KCNN3: variants seen among roughly 807,000 people sequenced by gnomAD.
The protein encoded by KCNN3 is potassium calcium-activated channel subfamily N member 3, also known as small conductance calcium-activated potassium channel protein 3.
In KCNN3, 16 loss-of-function variants were observed where a neutral mutation model predicts 62.9. That is an observed-to-expected ratio of 0.25 (90% CI 0.17 to 0.39). The LOEUF is 0.39. Among genes scored for constraint, KCNN3 ranks in the 10% least tolerant of loss-of-function variants. The pLI, the probability that KCNN3 is intolerant of heterozygous loss-of-function variation, is 1.00. For synonymous variants in KCNN3, 370 were observed against 389.2 expected (o/e 0.95, Z 0.58); for missense variants, 599 against 949.4 (o/e 0.63, Z 4.85).
chr1:154,720,001 T>C (rs1348143166), intron 5 of KCNN3, among the ~76,000 whole-genome samples: 2 of 152,178 alleles, frequency 1.3e-5, no homozygotes, highest in Non-Finnish European at 2.9e-5. Context: ...TGTAGCAATA[T>C]GGTAATGGGT....
chr1:154,865,835 T>G (rs544434402), intron 1 of KCNN3, among the ~76,000 whole-genome samples: 1 of 151,978 alleles, frequency 6.6e-6, no homozygotes, highest in Admixed American at 6.6e-5. Flanking sequence ...TTCAATCACC[T>G]GGGGAAAAAA....
intron 2 of KCNN3, among the ~76,000 whole-genome samples, chr1:154,817,197 G>A (rs1376137316): frequency 6.6e-6 from 1 of 152,252 alleles, no homozygotes; most frequent in Non-Finnish European, 1.5e-5. Context: ...GCTGAAGAAA[G>A]GGGCTGACAT....
chr1:154,797,703 A>G (rs1468932995), intron 2 of KCNN3, among the ~76,000 whole-genome samples: 1 of 152,156 alleles, frequency 6.6e-6, no homozygotes, highest in African/African-American at 2.4e-5. Flanking sequence ...CACTCTTTCA[A>G]TTTTTGGTAA....
chr1:154,847,181 C>T (rs945247822), intron 1 of KCNN3, among the ~76,000 whole-genome samples: 2 of 152,036 alleles, frequency 1.3e-5, no homozygotes, highest in African/African-American at 4.8e-5. Flanking sequence ...TCACATCCCT[C>T]ATCTCCTGGA....
At chr1:154,815,601 C>T (rs1650630934) in intron 2 of KCNN3, among the ~76,000 whole-genome samples, 1 of 152,200 alleles carries the variant, frequency 6.6e-6, no homozygotes. Flanking sequence ...ATTCTCAATG[C>T]CTAGCACAAA....
chr1:154,707,825 G>A lies in KCNN3; in HGVS notation c.*151C>T, dbSNP rs1056079318. On this transcript the variant is annotated 3_prime_UTR_variant, in exon 8 of 8. Coordinates refer to ENST00000271915, the MANE Select transcript of KCNN3 (RefSeq NM_002249.6). ...CTGGTTTCAAGGCATGTCGGACCAA[G>A]CACGCTGAATGAACATGAGTTAGTT... The A allele has an allele frequency of 1.1e-6, 1 of 876,792 alleles. No individual in the cohort carries two copies. The highest frequency in any genetic ancestry group is 1.8e-6 in the Non-Finnish European group (1 of 567,256). 54.3% of individuals were successfully genotyped at this position (876,792 alleles called of 1,614,324 possible). A position where few individuals can be genotyped will look rare whatever the true frequency, so the allele number is the denominator to read the frequency against.
rs145008290 is a variant in KCNN3 at position 154,850,754 on chromosome 1, C to T, written c.933+18278G>A. Among the ~76,000 whole-genome samples, 89 of 152,288 alleles carry T rather than the reference C, an allele frequency of 5.8e-4. 1 individual carries two copies. Among genetic ancestry groups the T allele is most frequent in the African/African-American group, 2.1e-3 (88 of 41,568 alleles). On this transcript the variant is annotated intron_variant, in intron 1 of 7. Coordinates refer to ENST00000271915, the MANE Select transcript of KCNN3 (RefSeq NM_002249.6). The stretch of plus-strand genomic sequence containing the variant: ...GAAAATTAGGAATGCATATCTTTAG[C>T]GTTTTGTATCATTTCAGTAAGTTTC...
At chr1:154,735,432 C>T (rs1474905190) in intron 3 of KCNN3, among the ~76,000 whole-genome samples, 4 of 152,230 alleles carry the variant, frequency 2.6e-5, no homozygotes, top group South Asian at 4.2e-4. Context: ...AAAAGATACC[C>T]CCTCCCCAAA....
At chr1:154,836,733 AG>A (rs1651605026) in intron 1 of KCNN3, among the ~76,000 whole-genome samples, 2 of 152,200 alleles carry the variant, frequency 1.3e-5, no homozygotes, top group African/African-American at 4.8e-5. Context: ...TGTCAGCTAA[AG>A]GGGCTAGGTC....
rs146887262 is a variant in KCNN3 at position 154,795,683 on chromosome 1, C to T, written c.1030-23290G>A. Among the ~76,000 whole-genome samples, 161 of 152,232 alleles carry T rather than the reference C, an allele frequency of 1.1e-3. 2 individuals carry two copies. Among genetic ancestry groups the T allele is most frequent in the African/African-American group, 3.6e-3 (149 of 41,534 alleles). ...AGAGACGTCTGTATGCATGAGGCTC[C>T]GTGGGGGCACTGAAAGTTGGTGGGG... On this transcript the variant is annotated intron_variant, in intron 2 of 7. Transcript: ENST00000271915.
intron 2 of KCNN3, among the ~76,000 whole-genome samples, chr1:154,818,863 G>T (rs1650776784): frequency 6.6e-6 from 1 of 152,176 alleles, no homozygotes; most frequent in Admixed American, 6.5e-5. Context: ...GTTCTAAAAG[G>T]TACTCCCCCA....
intron 2 of KCNN3, among the ~76,000 whole-genome samples, chr1:154,815,883 T>A (rs769267075): frequency 2.6e-5 from 4 of 152,134 alleles, no homozygotes; most frequent in Non-Finnish European, 5.9e-5. Flanking sequence ...CACTAACTCA[T>A]TTAGCGGTGG....
At chr1:154,789,862 G>A (rs747100693) in intron 2 of KCNN3, among the ~76,000 whole-genome samples, 1 of 151,950 alleles carries the variant, frequency 6.6e-6, no homozygotes, top group Admixed American at 6.6e-5. Context: ...GGGAGTTCAC[G>A]GGCCCCAGGT....
intron 2 of KCNN3, among the ~76,000 whole-genome samples, chr1:154,777,751 G>C (rs1172801194): frequency 6.6e-6 from 1 of 152,200 alleles, no homozygotes; most frequent in Non-Finnish European, 1.5e-5. Context: ...GCCTCTGATG[G>C]ATTCTGGAGA....
intron 2 of KCNN3, among the ~76,000 whole-genome samples, chr1:154,804,131 G>T (rs995534556): frequency 2.6e-5 from 4 of 152,196 alleles, no homozygotes; most frequent in African/African-American, 9.7e-5. Flanking sequence ...GCTAGGATTT[G>T]AAGAGACTGG....
intron 1 of KCNN3, among the ~76,000 whole-genome samples, chr1:154,848,313 G>A (rs1348616377): frequency 6.6e-6 from 1 of 152,152 alleles, no homozygotes; most frequent in Admixed American, 6.5e-5. Context: ...AGCCTGACAA[G>A]CTGCCTGCCT....
In KCNN3 at chr1:154,844,374, G is replaced by A. The variant is rs183375919; in HGVS notation, c.934-22190C>T. Reference sequence around the variant, plus strand: ...GTCTCTAAATCTTAAGCCAGGGAGAGAGTCAGACAGAAATGAAGTGACTTA... The same window carrying A: ...GTCTCTAAATCTTAAGCCAGGGAGAAAGTCAGACAGAAATGAAGTGACTTA... On this transcript the variant is annotated intron_variant, in intron 1 of 7. Coordinates refer to ENST00000271915, the MANE Select transcript of KCNN3 (RefSeq NM_002249.6). Among the ~76,000 whole-genome samples, 4 of 152,350 alleles carry A rather than the reference G, an allele frequency of 2.6e-5. 1 individual carries two copies. Among genetic ancestry groups the A allele is most frequent in the Admixed American group, 2.6e-4 (4 of 15,308 alleles).
chr1:154,711,863 C>T (rs1446751350), intron 7 of KCNN3, among the ~76,000 whole-genome samples: 2 of 151,780 alleles, frequency 1.3e-5, no homozygotes, highest in African/African-American at 4.8e-5. Context: ...TACAGTCTGT[C>T]GCGGGGACAG....
intron 1 of KCNN3, among the ~76,000 whole-genome samples, chr1:154,827,153 T>A (rs935141979): frequency 6.6e-6 from 1 of 152,256 alleles, no homozygotes; most frequent in Non-Finnish European, 1.5e-5. Flanking sequence ...AGAAATCTTT[T>A]CTATCTAATA....
Sources: allele counts gnomAD v4.1 joint callset (sites outside exome capture counted in the v4.1 genomes callset), GRCh38; gene constraint gnomAD v4.1.1; transcripts MANE v1.5; gene names NCBI Gene and HGNC (gene_info 2026-07-23, HGNC 2026-07-21).